The following DCDC1 variants were observed in gnomAD, a reference collection of about 807,000 sequenced individuals.
DCDC1 encodes the protein doublecortin domain-containing protein 1.
Under a neutral mutation model 178.3 loss-of-function variants are expected in DCDC1, and 200 were observed. That is an observed-to-expected ratio of 1.12 (90% CI 1.00 to 1.26). The LOEUF is 1.26. DCDC1 is among the 50% of genes most tolerant of loss of function. DCDC1 has a pLI of 0.00. For missense variants in DCDC1, 1,983 were observed against 1,749.2 expected (o/e 1.13, Z -2.38); for synonymous variants, 690 against 604.8 (o/e 1.14, Z -2.07).
intron 22 of DCDC1, among the ~76,000 whole-genome samples, chr11:30,926,462 G>C (rs1277026979): frequency 6.6e-6 from 1 of 152,146 alleles, no homozygotes; most frequent in Admixed American, 6.6e-5. Flanking sequence ...TGGAAAATGG[G>C]CTGGAGGTGG....
intron 8 of DCDC1, among the ~76,000 whole-genome samples, chr11:31,255,069 A>G (rs2137019655): frequency 6.6e-6 from 1 of 152,254 alleles, no homozygotes; most frequent in South Asian, 2.1e-4. Context: ...GGCTTCTTTC[A>G]CTGAGCATAA....
chr11:31,029,672 T>C (rs1171806005), intron 20 of DCDC1, among the ~76,000 whole-genome samples: 2 of 152,150 alleles, frequency 1.3e-5, no homozygotes, highest in African/African-American at 4.8e-5. Flanking sequence ...TGTATTCACA[T>C]CAAATCAAGT....
At chr11:31,245,945 T>A (rs1591528600) in intron 8 of DCDC1, among the ~76,000 whole-genome samples, 1 of 151,944 alleles carries the variant, frequency 6.6e-6, no homozygotes, top group East Asian at 1.9e-4. Flanking sequence ...CAGTACATGA[T>A]AAGGAACCAA....
intron 20 of DCDC1, among the ~76,000 whole-genome samples, chr11:30,969,915 A>G (rs1265965504): frequency 6.6e-6 from 1 of 152,236 alleles, no homozygotes; most frequent in Non-Finnish European, 1.5e-5. Context: ...GACTAGAGGT[A>G]TCTGGTATTT....
intron 1 of DCDC1, among the ~76,000 whole-genome samples, chr11:31,347,041 G>A (rs1950853574): frequency 6.6e-6 from 1 of 152,182 alleles, no homozygotes; most frequent in African/African-American, 2.4e-5. Context: ...ATGTACAGGA[G>A]AGTATATGCT....
intron 21 of DCDC1, among the ~76,000 whole-genome samples, chr11:30,935,076 T>C (rs74526497): frequency 0.027 from 4,108 of 152,250 alleles, 184 homozygotes; most frequent in African/African-American, 0.093. Flanking sequence ...GGTTTTTGGT[T>C]TAGAACAGCT....
In DCDC1 at chr11:30,897,109, T is replaced by C. The variant is rs182788847; in HGVS notation, c.4765+2432A>G. Reference sequence around the variant, plus strand: ...GGCCTTCATGAGGGTAAATGTTTTATAAGCATGTGTTGAATTTATATTTAA... The same window carrying C: ...GGCCTTCATGAGGGTAAATGTTTTACAAGCATGTGTTGAATTTATATTTAA... On this transcript the variant is annotated intron_variant, in intron 34 of 38. Coordinates refer to ENST00000684477, the MANE Select transcript of DCDC1 (RefSeq NM_001387274.1). Among the ~76,000 whole-genome samples the C allele has an allele frequency of 3.4e-3, 519 of 152,274 alleles. 2 individuals are homozygous for C. Among genetic ancestry groups the C allele is most frequent in the Middle Eastern group, 0.014 (4 of 294 alleles).
chr11:31,017,470 TAATC>T (rs1952556347), intron 20 of DCDC1, among the ~76,000 whole-genome samples: 1 of 152,168 alleles, frequency 6.6e-6, no homozygotes, highest in African/African-American at 2.4e-5. Context: ...AATTATGTGT[TAATC>T]AACCCTGTCT....
At chr11:31,109,652 G>A (rs950551666) in intron 12 of DCDC1, among the ~76,000 whole-genome samples, 1 of 152,142 alleles carries the variant, frequency 6.6e-6, no homozygotes, top group African/African-American at 2.4e-5. Flanking sequence ...ACAAAGGCAA[G>A]GCAAGAGAGC....
At chr11:31,124,462 C>T (rs1961302084) in intron 11 of DCDC1, among the ~76,000 whole-genome samples, 1 of 152,058 alleles carries the variant, frequency 6.6e-6, no homozygotes, top group African/African-American at 2.4e-5. Flanking sequence ...CAAAAAAGAG[C>T]TTGTACACTC....
intron 20 of DCDC1, among the ~76,000 whole-genome samples, chr11:31,024,538 C>A (rs1953096638): frequency 6.6e-6 from 1 of 151,650 alleles, no homozygotes; most frequent in South Asian, 2.1e-4. Flanking sequence ...ATTCTTTTTT[C>A]TGTATTACAA....
Position 31,282,677 on chromosome 11 carries a change from T to A in DCDC1, c.960+7970A>T, listed in dbSNP as rs1321094278. Among the ~76,000 whole-genome samples the A allele has an allele frequency of 7.2e-5, 11 of 152,112 alleles. No homozygotes were observed. The East Asian group carries it at 2.1e-3, about 29-fold the overall frequency. Reference sequence around the variant, plus strand: ...ACATTTAAAATAATTTCTTTGTGCATACCCAAATTTGTTTCTGGTATCATT... The same window carrying A: ...ACATTTAAAATAATTTCTTTGTGCAAACCCAAATTTGTTTCTGGTATCATT... On this transcript the variant is annotated intron_variant, in intron 7 of 38. Transcript: ENST00000684477.
intron 20 of DCDC1, among the ~76,000 whole-genome samples, chr11:31,037,435 T>A (rs1565207647): frequency 6.8e-6 from 1 of 146,044 alleles, no homozygotes; most frequent in Non-Finnish European, 1.5e-5. Context: ...TTTCTTTCTT[T>A]TTTTTTTTTT....
intron 1 of DCDC1, among the ~76,000 whole-genome samples, chr11:31,344,566 TA>T (rs1950721009): frequency 6.6e-6 from 1 of 152,158 alleles, no homozygotes; most frequent in Non-Finnish European, 1.5e-5. Flanking sequence ...AAAATGGGGA[TA>T]AAAATAGTAA....
At chr11:31,326,871 A>G (rs1288864603) in intron 3 of DCDC1, among the ~76,000 whole-genome samples, 1 of 152,160 alleles carries the variant, frequency 6.6e-6, no homozygotes, top group Non-Finnish European at 1.5e-5. Flanking sequence ...TATTTAACAT[A>G]AAGACTAGGG....
rs374031417 is a variant in DCDC1 at position 30,900,526 on chromosome 11, T to C, written c.4511-28A>G. ...GGTGGAAAAAATGACACATTTATCA[T>C]TGTTCAACGAATAATGAATAAATTT... On this transcript the variant is annotated intron_variant, in intron 32 of 38. Transcript: ENST00000684477. 35 of 1,474,698 alleles carry C rather than the reference T, an allele frequency of 2.4e-5. No homozygotes were observed. In the African/African-American group the frequency reaches 4.3e-4, roughly 18 times the overall value. The allele number at this position is 1,474,698 out of a possible 1,614,324, so 91.4% of individuals were successfully genotyped here. A position where few individuals can be genotyped will look rare whatever the true frequency, so the allele number is the denominator to read the frequency against.
At chr11:31,273,751 T>C (rs1945763149) in intron 7 of DCDC1, among the ~76,000 whole-genome samples, 1 of 152,176 alleles carries the variant, frequency 6.6e-6, no homozygotes, top group Non-Finnish European at 1.5e-5. Context: ...CATTTCACAC[T>C]GCTGAGAAAG....
At chr11:31,040,327 G>T (rs183142547) in intron 20 of DCDC1, among the ~76,000 whole-genome samples, 2 of 152,252 alleles carry the variant, frequency 1.3e-5, no homozygotes, top group East Asian at 3.9e-4. Context: ...ATGGATCTCA[G>T]ACTTTCCTAT....
intron 9 of DCDC1, among the ~76,000 whole-genome samples, chr11:31,208,563 T>TA (rs1191069191): frequency 1.3e-5 from 2 of 152,158 alleles, no homozygotes; most frequent in Non-Finnish European, 2.9e-5. Flanking sequence ...AAGCACACAT[T>TA]AGTTCATGTC....
Sources: gnomAD v4.1 joint callset for allele counts (sites outside exome capture counted in the v4.1 genomes callset) on GRCh38, gnomAD v4.1.1 for gene constraint, MANE v1.5 for transcripts, NCBI Gene and HGNC (gene_info 2026-07-23, HGNC 2026-07-21) for gene names.